SLC44A1: variants seen among roughly 807,000 people sequenced by gnomAD.
SLC44A1 encodes choline transporter-like protein 1.
A neutral mutation model predicts 79.3 loss-of-function variants in SLC44A1; 26 were observed. The observed-to-expected ratio is 0.33, with a 90% CI of 0.24 to 0.46. The LOEUF (loss-of-function observed/expected upper bound fraction) is 0.46, where lower values mean the gene tolerates loss of function less well. SLC44A1 is among the 20% of genes least tolerant of loss of function. The pLI is 1.00. For missense variants in SLC44A1, 688 were observed against 798.1 expected (o/e 0.86, Z 1.66); for synonymous variants, 263 against 286.2 (o/e 0.92, Z 0.82).
intron 1 of SLC44A1, among the ~76,000 whole-genome samples, chr9:105,279,041 T>A (rs552835592): frequency 6.6e-6 from 1 of 152,012 alleles, no homozygotes; most frequent in Admixed American, 6.6e-5. Context: ...CTCCTTAGAT[T>A]TGCCCTTCAA....
chr9:105,426,595 G>A (rs998924191), intron 15 of SLC44A1, among the ~76,000 whole-genome samples: 7 of 152,146 alleles, frequency 4.6e-5, no homozygotes, highest in African/African-American at 1.2e-4. Context: ...TACTCATGCA[G>A]AGTAGATGTA....
chr9:105,328,377 G>A (rs1826647811), intron 3 of SLC44A1, among the ~76,000 whole-genome samples: 1 of 152,206 alleles, frequency 6.6e-6, no homozygotes, highest in African/African-American at 2.4e-5. Context: ...GCTTCACTGA[G>A]AAGATGTCTT....
chr9:105,413,411 G>A (rs113110538), intron 15 of SLC44A1, among the ~76,000 whole-genome samples: 5 of 152,248 alleles, frequency 3.3e-5, no homozygotes, highest in Admixed American at 1.3e-4. Flanking sequence ...TATAGGTGCC[G>A]CCCATCTTCC....
chr9:105,328,678 C>T (rs954808925), intron 3 of SLC44A1, among the ~76,000 whole-genome samples: 2 of 152,204 alleles, frequency 1.3e-5, no homozygotes, highest in Non-Finnish European at 2.9e-5. Flanking sequence ...CTCTTCTTAG[C>T]AGTTGCCTGT....
At chr9:105,267,222 A>G (rs1829982058) in intron 1 of SLC44A1, among the ~76,000 whole-genome samples, 2 of 152,190 alleles carry the variant, frequency 1.3e-5, no homozygotes, top group African/African-American at 4.8e-5. Flanking sequence ...TCTGACTTCT[A>G]GGGTCGCTGT....
At chr9:105,252,516 C>T (rs1410246262) in intron 1 of SLC44A1, among the ~76,000 whole-genome samples, 2 of 152,104 alleles carry the variant, frequency 1.3e-5, no homozygotes, top group Admixed American at 1.3e-4. Context: ...AGCAGCTTGT[C>T]TGTTGAAGGT....
intron 1 of SLC44A1, among the ~76,000 whole-genome samples, chr9:105,263,618 G>A (rs1374838759): frequency 6.7e-6 from 1 of 148,678 alleles, no homozygotes; most frequent in South Asian, 2.1e-4. Flanking sequence ...CTCACTCAAC[G>A]TCCACCTCCC....
At chr9:105,402,990 T>TTG (rs1828977742) in intron 15 of SLC44A1, among the ~76,000 whole-genome samples, 5 of 146,938 alleles carry the variant, frequency 3.4e-5, no homozygotes, top group African/African-American at 1.3e-4. Flanking sequence ...TTTTTTTTTT[T>TTG]TTTTTTTTTT....
intron 3 of SLC44A1, among the ~76,000 whole-genome samples, chr9:105,315,338 A>G (rs1664066605): frequency 6.8e-6 from 1 of 148,038 alleles, no homozygotes; most frequent in Admixed American, 6.7e-5. Context: ...CTTCAAATTG[A>G]TAGTAGGGTT....
chr9:105,292,415 T>C (rs1830622102), intron 1 of SLC44A1, among the ~76,000 whole-genome samples: 1 of 152,204 alleles, frequency 6.6e-6, no homozygotes, highest in South Asian at 2.1e-4. Context: ...CCACAAAATC[T>C]TTAGTGTGTA....
chr9:105,361,397 A>C, intron 8 of SLC44A1, 67 bp downstream of exon 8: 1 of 1,427,908 alleles, frequency 7.0e-7, no homozygotes, highest in Non-Finnish European at 9.5e-7. Flanking sequence ...TTAATGGAGC[A>C]GAAACTCAAA....
At chr9:105,376,727 A>G (rs1564467573) in intron 13 of SLC44A1, among the ~76,000 whole-genome samples, 2 of 152,328 alleles carry the variant, frequency 1.3e-5, no homozygotes, top group East Asian at 3.9e-4. Flanking sequence ...AGATACTAAA[A>G]GTGGCAATAT....
chr9:105,289,535 CAAAG>C (rs1444701487), intron 1 of SLC44A1, among the ~76,000 whole-genome samples: 1 of 152,046 alleles, frequency 6.6e-6, no homozygotes, highest in African/African-American at 2.4e-5. Context: ...TGTAGAAACA[CAAAG>C]GAAGGGAACC....
At chr9:105,387,074 T>TATATATATATATAC (rs1476701432) in intron 15 of SLC44A1, among the ~76,000 whole-genome samples, 1 of 85,464 alleles carries the variant, frequency 1.2e-5, no homozygotes, top group African/African-American at 4.0e-5. Flanking sequence ...TATATATATA[T>TATATATATATATAC]GATATAAAAT....
chr9:105,381,299 G>C (rs1025781780), intron 13 of SLC44A1, among the ~76,000 whole-genome samples: 1 of 152,040 alleles, frequency 6.6e-6, no homozygotes, highest in Admixed American at 6.6e-5. Context: ...CAGCACTTTG[G>C]GAGGCCCTGG....
chr9:105,433,892 C>A (rs1247137750), intron 15 of SLC44A1, among the ~76,000 whole-genome samples: 1 of 152,100 alleles, frequency 6.6e-6, no homozygotes, highest in Non-Finnish European at 1.5e-5. Flanking sequence ...TAAGAATTAC[C>A]AGACCCTTGG....
chr9:105,384,088 G>T (rs1355401020), intron 14 of SLC44A1, among the ~76,000 whole-genome samples: 2 of 152,030 alleles, frequency 1.3e-5, no homozygotes, highest in Non-Finnish European at 2.9e-5. Flanking sequence ...GGGTAATATT[G>T]AATACTAAGC....
chr9:105,348,231 A>G (rs368525037), intron 4 of SLC44A1, 127 bp from the exon 5 acceptor site: 7 of 566,868 alleles, frequency 1.2e-5, no homozygotes, highest in African/African-American at 1.1e-4. Flanking sequence ...ATATGGATCA[A>G]ATCAGATTTT....
At chr9:105,260,831 A>G (rs2131211550) in intron 1 of SLC44A1, among the ~76,000 whole-genome samples, 1 of 152,330 alleles carries the variant, frequency 6.6e-6, no homozygotes, top group East Asian at 1.9e-4. Flanking sequence ...AGTTACAGTT[A>G]TCACTTAAAC....
Sources: gnomAD v4.1 joint callset for allele counts (sites outside exome capture counted in the v4.1 genomes callset) on GRCh38, gnomAD v4.1.1 for gene constraint, MANE v1.5 for transcripts, NCBI Gene and HGNC (gene_info 2026-07-23, HGNC 2026-07-21) for gene names.